EIF2AK4: variants seen among roughly 807,000 people sequenced by gnomAD.
EIF2AK4 encodes eukaryotic translation initiation factor 2 alpha kinase 4.
A neutral mutation model predicts 211.1 loss-of-function variants in EIF2AK4; 139 were observed. That is an observed-to-expected ratio of 0.66 (90% CI 0.57 to 0.76). The LOEUF is 0.76. EIF2AK4 is among the 30% of genes least tolerant of loss of function. The pLI is 0.00. For synonymous variants in EIF2AK4, 710 were observed against 751.3 expected (o/e 0.94, Z 0.90); for missense variants, 1,664 against 2,043.8 (o/e 0.81, Z 3.58).
At position 40,003,221 on chromosome 15, in the gene EIF2AK4, G is replaced by C. The variant is rs2035116553; in HGVS notation, c.3264G>C (p.Leu1088=). 4 of 1,614,022 alleles carry C rather than the reference G, an allele frequency of 2.5e-6. No homozygotes were observed. Among genetic ancestry groups the C allele is most frequent in the Non-Finnish European group, 3.4e-6 (4 of 1,180,040 alleles). Residue 1088 remains leucine (L), a synonymous_variant, in exon 23 of 39, where the codon CTG becomes CTC. Coordinates refer to ENST00000263791, the MANE Select transcript of EIF2AK4 (RefSeq NM_001013703.4). Reference sequence around the variant, plus strand: ...CTGTTCAGTTGTGTACTCCACTACTGCTTCCCCGAAACAGACAAATATATG... The same window carrying C: ...CTGTTCAGTTGTGTACTCCACTACTCCTTCCCCGAAACAGACAAATATATG... The part of the protein sequence containing the change: ...HGAVQLCTPL[L]LPRNRQIYEH...
intron 6 of EIF2AK4, among the ~76,000 whole-genome samples, chr15:39,959,203 T>C (rs1200503338): frequency 6.6e-6 from 1 of 152,190 alleles, no homozygotes; most frequent in Non-Finnish European, 1.5e-5. Flanking sequence ...CTGAACACCA[T>C]TTGTTTGCAC....
At chr15:39,934,898 AT>A (rs2034041658) in intron 1 of EIF2AK4, among the ~76,000 whole-genome samples, 1 of 152,186 alleles carries the variant, frequency 6.6e-6, no homozygotes, top group African/African-American at 2.4e-5. Context: ...CCTCTAAGAC[AT>A]TTAGCTCAGA....
chr15:40,034,394 A>G lies in EIF2AK4; in HGVS notation c.4842A>G (p.Arg1614=). The G allele has an allele frequency of 6.2e-7, 1 of 1,614,154 alleles. No homozygotes were observed. The highest frequency in any genetic ancestry group is 8.5e-7 in the Non-Finnish European group (1 of 1,180,006). Residue 1614 remains arginine (R), a synonymous_variant, in exon 38 of 39, where the codon AGA becomes AGG. Transcript: ENST00000263791. ...KQLLSRLPKQ[R]YLKLVCDEIY... ...TGCTGTCACGCCTGCCAAAGCAAAG[A>G]TACCTCAAATTAGTCTGTGATGAAA...
intron 32 of EIF2AK4, 124 bp downstream of exon 32, chr15:40,022,729 A>G (rs1311320940): frequency 2.7e-6 from 2 of 737,340 alleles, no homozygotes; most frequent in Non-Finnish European, 4.3e-6. Flanking sequence ...CTCCCTTTCC[A>G]TTGTTGGGTT....
At chr15:39,975,221 GAGA>G (rs2034677036) in intron 11 of EIF2AK4, 1 of 139,914 alleles carries the variant, frequency 7.1e-6, no homozygotes, top group Non-Finnish European at 1.6e-5. Context: ...CTGAAGCTCA[GAGA>G]AGGTTATGTC....
Position 39,966,765 on chromosome 15 carries a change from A to G in EIF2AK4, c.1018-579A>G, listed in dbSNP as rs183465311. Among the ~76,000 whole-genome samples the G allele has an allele frequency of 2.6e-3, 396 of 152,352 alleles. 3 individuals are homozygous for G. Among genetic ancestry groups the G allele is most frequent in the African/African-American group, 8.8e-3 (365 of 41,592 alleles). ...TGAGTTATCACTGGGTGGTGACCAC[A>G]TAGATAACATGTGGGTATTTTCTAT... is the stretch of plus-strand genomic sequence containing the variant. On this transcript the variant is annotated intron_variant, in intron 8 of 38. Coordinates refer to ENST00000263791, the MANE Select transcript of EIF2AK4 (RefSeq NM_001013703.4).
Position 40,011,327 on chromosome 15 carries a change from T to C in EIF2AK4, c.3740T>C (p.Leu1247Pro), listed in dbSNP as rs1567004359. 1.2e-6 allele frequency: 2 copies of C among 1,613,222 alleles called. No homozygotes were observed. The highest frequency in any genetic ancestry group is 8.5e-7 in the Non-Finnish European group (1 of 1,179,400). The change falls in exon 27 of 39, where the codon CTG (leucine) becomes CCG (proline). Residue 1247 changes from leucine to proline, a missense_variant. Coordinates refer to ENST00000263791, the MANE Select transcript of EIF2AK4 (RefSeq NM_001013703.4). ...GAAGTGGAAGCTAAATTTTGTAATC[T>C]GTCTTTGTCTTCTAATAGTGTAAGT... ...RREVEAKFCN[L>P]SLSSNSLCRL...
At chr15:39,980,324 A>G (rs1378424797) in intron 13 of EIF2AK4, among the ~76,000 whole-genome samples, 1 of 152,214 alleles carries the variant, frequency 6.6e-6, no homozygotes, top group African/African-American at 2.4e-5. Flanking sequence ...CATCAAGCTG[A>G]AAATCTATAA....
Position 40,001,024 on chromosome 15 carries a change from G to C in EIF2AK4, c.2959G>C (p.Ala987Pro). ...CTCCTGGCTGTTGAACCACGATCCA[G>C]CAAAACGGCCCACAGCCACAGAACT... is the stretch of plus-strand genomic sequence containing the variant. ...VISWLLNHDP[A>P]KRPTATELLK... is the part of the protein sequence containing the mutation. The change falls in exon 21 of 39, where the codon GCA becomes CCA. Residue 987 changes from alanine to proline, a missense_variant. Coordinates refer to ENST00000263791, the MANE Select transcript of EIF2AK4 (RefSeq NM_001013703.4). 6.2e-7 allele frequency: 1 copy of C among 1,614,206 alleles called. No individual in the cohort carries two copies. The highest frequency in any genetic ancestry group is 8.5e-7 in the Non-Finnish European group (1 of 1,180,044).
chr15:39,998,602 G>A (rs1032524711), intron 19 of EIF2AK4, 129 bp from the exon 20 acceptor site: 4 of 656,990 alleles, frequency 6.1e-6, no homozygotes, highest in African/African-American at 3.7e-5. Flanking sequence ...CAGGTTTCAA[G>A]AAGGTATCAC....
At chr15:39,993,110 AC>A (rs1244508424) in intron 18 of EIF2AK4, among the ~76,000 whole-genome samples, 6 of 144,516 alleles carry the variant, frequency 4.2e-5, no homozygotes, top group African/African-American at 1.5e-4. Flanking sequence ...CCATCCACCC[AC>A]CCATCCACCC....
Position 39,976,779 on chromosome 15 carries a change from G to T in EIF2AK4, c.2184G>T (p.Pro728=). ...SASARFPATG[P]GSSDDEDDDE... ...GTGCCCGTTTCCCCGCCACCGGCCC[G>T]GGCTCCAGCGATGACGAGGACGACG... The change falls in exon 12 of 39, where the codon CCG becomes CCT. Residue 728 remains proline, a synonymous_variant. Transcript: ENST00000263791. 6.3e-7 allele frequency: 1 copy of T among 1,587,808 alleles called. No homozygotes were observed.
At chr15:40,026,777 C>T (rs891690700) in intron 33 of EIF2AK4, among the ~76,000 whole-genome samples, 1 of 152,188 alleles carries the variant, frequency 6.6e-6, no homozygotes, top group Admixed American at 6.5e-5. Flanking sequence ...GATCTCACTT[C>T]CTCATGATGG....
chr15:40,021,687 C>T (rs2035389308), intron 31 of EIF2AK4: 1 of 152,436 alleles, frequency 6.6e-6, no homozygotes, highest in African/African-American at 2.4e-5. Context: ...GAAAGTGGCA[C>T]CCAGGACACA....
intron 14 of EIF2AK4, among the ~76,000 whole-genome samples, chr15:39,987,124 A>C (rs945912350): frequency 1.3e-5 from 2 of 152,220 alleles, no homozygotes; most frequent in African/African-American, 4.8e-5. Context: ...TACACAGATA[A>C]TAAAGCATTG....
intron 4 of EIF2AK4, among the ~76,000 whole-genome samples, chr15:39,950,967 CATCCCCCCCATTT>C: frequency 6.6e-6 from 1 of 152,324 alleles, no homozygotes; most frequent in South Asian, 2.1e-4. Context: ...TAATGCTTTA[CATCCCCCCCATTT>C]ATATTAAAAA....
At chr15:39,995,525 C>T (rs1399034333) in intron 18 of EIF2AK4, among the ~76,000 whole-genome samples, 6 of 152,284 alleles carry the variant, frequency 3.9e-5, no homozygotes, top group East Asian at 1.9e-4. Context: ...TCTTCTCCTT[C>T]GTGGCACCCT....
At chr15:40,023,684 T>G (rs949459703) in intron 32 of EIF2AK4, among the ~76,000 whole-genome samples, 4 of 152,230 alleles carry the variant, frequency 2.6e-5, no homozygotes, top group Non-Finnish European at 4.4e-5. Flanking sequence ...TCAGCCTGGC[T>G]AGAGATTGAT....
chr15:40,015,671 A>G (rs1325596715), intron 27 of EIF2AK4, among the ~76,000 whole-genome samples: 3 of 152,210 alleles, frequency 2.0e-5, no homozygotes, highest in Non-Finnish European at 2.9e-5. Flanking sequence ...TTAAAAATTT[A>G]AGTGATTTAT....
Sources: allele counts gnomAD v4.1 joint callset (sites outside exome capture counted in the v4.1 genomes callset), GRCh38; gene constraint gnomAD v4.1.1; transcripts MANE v1.5; gene names NCBI Gene and HGNC (gene_info 2026-07-23, HGNC 2026-07-21).